The following ACTR3C variants were observed in gnomAD, a reference collection of about 807,000 sequenced individuals.
ACTR3C encodes the protein actin related protein 3C.
In ACTR3C, 18 loss-of-function variants were observed where a neutral mutation model predicts 26.3. That is an observed-to-expected ratio of 0.68 (90% CI 0.47 to 1.01). ACTR3C has a LOEUF of 1.01. Ranked by LOEUF, ACTR3C falls within the 50% of genes least tolerant of loss-of-function variation. The pLI, the probability that ACTR3C is intolerant of heterozygous loss-of-function variation, is 0.00. For synonymous variants in ACTR3C, 55 were observed against 94.5 expected (o/e 0.58, Z 2.42); for missense variants, 184 against 250.7 (o/e 0.73, Z 1.80).
the ACTR3C span, among the ~76,000 whole-genome samples, chr7:149,997,556 T>A: frequency 6.6e-6 from 1 of 152,092 alleles, no homozygotes; most frequent in Non-Finnish European, 1.5e-5. Flanking sequence ...GACGGGATTA[T>A]TAGGAAAGTC....
the ACTR3C span, among the ~76,000 whole-genome samples, chr7:150,006,164 A>G: frequency 6.0e-5 from 7 of 116,016 alleles, no homozygotes; most frequent in Admixed American, 4.5e-4. Flanking sequence ...GCTTCCCAAT[A>G]AATACGACTG....
At chr7:150,099,837 C>G in the ACTR3C span, among the ~76,000 whole-genome samples, 2 of 151,474 alleles carry the variant, frequency 1.3e-5, no homozygotes. Context: ...GCCCAGCCTG[C>G]CAGCTGTGAC....
rs148374371 is a variant in ACTR3C at position 150,301,999 on chromosome 7, T to C, written c.-51-6652A>G. On this transcript the variant is annotated intron_variant, in intron 1 of 7. Coordinates refer to ENST00000683684, the MANE Select transcript of ACTR3C (RefSeq NM_001164458.2). Reference sequence around the variant, plus strand: ...CACCAAGCTGTACATTCAAAAATGGTTCAAATGATAAATTCTGTTATGTGT... The same window carrying C: ...CACCAAGCTGTACATTCAAAAATGGCTCAAATGATAAATTCTGTTATGTGT... 6.8e-3 allele frequency among the ~76,000 whole-genome samples: 1,031 copies of C among 152,064 alleles called. 18 individuals are homozygous for C. The highest frequency in any genetic ancestry group is 0.023 in the African/African-American group (944 of 41,352).
chr7:149,945,548 A>G, the ACTR3C span, among the ~76,000 whole-genome samples: 2 of 152,146 alleles, frequency 1.3e-5, no homozygotes, highest in African/African-American at 4.8e-5. Flanking sequence ...GGACAGGGTG[A>G]AGGGCAGTCC....
intron 1 of ACTR3C, among the ~76,000 whole-genome samples, chr7:150,319,205 C>CTT (rs199647156): frequency 3.6e-5 from 5 of 140,740 alleles, no homozygotes; most frequent in Non-Finnish European, 4.6e-5. Context: ...ATTGCTTCTT[C>CTT]TTTTTTTTTT....
intron 6 of ACTR3C, among the ~76,000 whole-genome samples, chr7:150,255,242 ATTTTTTTT>A (rs745713614): frequency 1.3e-4 from 11 of 85,612 alleles, no homozygotes; most frequent in Admixed American, 8.9e-4. Context: ...TTTGTAGGGG[ATTTTTTTT>A]TTTTTTTTTT....
the ACTR3C span, among the ~76,000 whole-genome samples, chr7:150,048,010 C>T: frequency 2.0e-5 from 3 of 152,156 alleles, no homozygotes; most frequent in Non-Finnish European, 4.4e-5. Context: ...GCTCCTCCCG[C>T]GCGCCACTCG....
At chr7:149,989,195 A>C in the ACTR3C span, among the ~76,000 whole-genome samples, 48,450 of 152,084 alleles carry the variant, frequency 0.32, 8,038 homozygotes, top group Non-Finnish European at 0.37. Flanking sequence ...GCATATATTC[A>C]TGGGGTCCAT....
In ACTR3C at chr7:150,307,827, C is replaced by T. The variant is rs148860387; in HGVS notation, c.-51-12480G>A. On this transcript the variant is annotated intron_variant, in intron 1 of 7. Coordinates refer to ENST00000683684, the MANE Select transcript of ACTR3C (RefSeq NM_001164458.2). ...TCCTCAGACCAGCCCAAACAAAACACCTCACCAATTTTAAATTGGGTAAGT... is the reference window on the plus strand; with the variant it reads ...TCCTCAGACCAGCCCAAACAAAACATCTCACCAATTTTAAATTGGGTAAGT... Among the ~76,000 whole-genome samples the T allele has an allele frequency of 1.9e-4, 29 of 152,320 alleles. No homozygotes were observed. The East Asian group carries it at 5.0e-3, about 26-fold the overall frequency.
chr7:150,217,068 G>A, the ACTR3C span, among the ~76,000 whole-genome samples: 5 of 146,880 alleles, frequency 3.4e-5, no homozygotes, highest in Non-Finnish European at 5.9e-5. Context: ...AAGTGAAGTC[G>A]CCTTGTCCTC....
the ACTR3C span, chr7:150,000,844 C>T: frequency 7.3e-6 from 1 of 137,704 alleles, no homozygotes; most frequent in Admixed American, 7.3e-5. Context: ...TAGCTCTCAC[C>T]TGGGACTCAG....
At chr7:150,219,753 T>G in the ACTR3C span, among the ~76,000 whole-genome samples, 1 of 143,612 alleles carries the variant, frequency 7.0e-6, no homozygotes, top group Non-Finnish European at 1.5e-5. Context: ...ATCGCTCCAT[T>G]AAAGTTAATG....
chr7:150,284,298 T>C (rs1006688562), intron 6 of ACTR3C, among the ~76,000 whole-genome samples: 1 of 152,164 alleles, frequency 6.6e-6, no homozygotes, highest in African/African-American at 2.4e-5. Flanking sequence ...CCCAGCACTT[T>C]GGGAGGCCAA....
chr7:150,150,960 A>G, the ACTR3C span, among the ~76,000 whole-genome samples: 7 of 137,680 alleles, frequency 5.1e-5, 2 homozygotes, highest in African/African-American at 7.5e-5. Flanking sequence ...TAAATATATT[A>G]ACATAGGAAA....
the ACTR3C span, among the ~76,000 whole-genome samples, chr7:150,037,286 G>A: frequency 5.8e-5 from 3 of 51,888 alleles, 1 homozygote; most frequent in Admixed American, 6.0e-4. Flanking sequence ...CAGTCCTCCA[G>A]GTGGGTCCTA....
the ACTR3C span, among the ~76,000 whole-genome samples, chr7:149,907,939 A>G: frequency 9.3e-3 from 1,422 of 152,178 alleles, 25 homozygotes; most frequent in African/African-American, 0.033. Context: ...ACCAATTGTC[A>G]TGGACTGAAC....
At chr7:149,955,536 C>T in the ACTR3C span, among the ~76,000 whole-genome samples, 3 of 151,868 alleles carry the variant, frequency 2.0e-5, no homozygotes, top group Admixed American at 6.6e-5. Flanking sequence ...TGATGGGAGT[C>T]GCAGTGAGGA....
the ACTR3C span, chr7:150,047,747 G>T: frequency 1.4e-6 from 2 of 1,471,132 alleles, no homozygotes; most frequent in Non-Finnish European, 1.8e-6. Context: ...CTGCGCCGCC[G>T]TCCTCCTCGG....
chr7:150,057,866 A>G, the ACTR3C span, among the ~76,000 whole-genome samples: 1 of 152,208 alleles, frequency 6.6e-6, no homozygotes, highest in Non-Finnish European at 1.5e-5. Flanking sequence ...AGCTATAGGA[A>G]GAGAATAAAA....
Sources: allele counts gnomAD v4.1 joint callset (sites outside exome capture counted in the v4.1 genomes callset), GRCh38; gene constraint gnomAD v4.1.1; transcripts MANE v1.5; gene names NCBI Gene and HGNC (gene_info 2026-07-23, HGNC 2026-07-21).